Variants in CCDC148 observed in about 807,000 individuals in gnomAD.
The protein encoded by CCDC148 is coiled-coil domain-containing protein 148.
Under a neutral mutation model 85.7 loss-of-function variants are expected in CCDC148, and 89 were observed. The ratio of observed to expected loss-of-function variants is 1.04; its 90% CI spans 0.87 to 1.24. The LOEUF (loss-of-function observed/expected upper bound fraction) is 1.24. CCDC148 is among the 50% of genes most tolerant of loss of function. The pLI, the probability that CCDC148 is intolerant of heterozygous loss-of-function variation, is 0.00. For synonymous variants in CCDC148, 230 were observed against 213.9 expected (o/e 1.08, Z -0.66); for missense variants, 692 against 671.7 (o/e 1.03, Z -0.33).
At chr2:158,227,615 A>G (rs1388375963) in intron 10 of CCDC148, among the ~76,000 whole-genome samples, 1 of 152,212 alleles carries the variant, frequency 6.6e-6, no homozygotes, top group Non-Finnish European at 1.5e-5. Flanking sequence ...AGAGATATAG[A>G]TCAGTGGAAC....
intron 9 of CCDC148, among the ~76,000 whole-genome samples, chr2:158,279,842 A>G (rs1690175923): frequency 1.3e-5 from 2 of 151,742 alleles, no homozygotes; most frequent in Admixed American, 1.3e-4. Flanking sequence ...ACCAAAGTTG[A>G]AATGAAGGAA....
chr2:158,347,601 G>A (rs1051924321), intron 2 of CCDC148, among the ~76,000 whole-genome samples: 8 of 152,066 alleles, frequency 5.3e-5, no homozygotes, highest in African/African-American at 1.9e-4. Flanking sequence ...GAATGCTGAC[G>A]ATTCAAAAAT....
At chr2:158,334,614 A>G (rs1237507388) in intron 7 of CCDC148, among the ~76,000 whole-genome samples, 1 of 150,702 alleles carries the variant, frequency 6.6e-6, no homozygotes. Flanking sequence ...GAATGAAGAG[A>G]CCTAACCTTA....
At chr2:158,281,722 T>C (rs1204039840) in intron 9 of CCDC148, among the ~76,000 whole-genome samples, 38 of 152,288 alleles carry the variant, frequency 2.5e-4, no homozygotes, top group African/African-American at 8.4e-4. Context: ...GTACCATTCC[T>C]TCTGAAACAA....
Position 158,329,848 on chromosome 2 carries a change from C to T in CCDC148, c.764+8878G>A, listed in dbSNP as rs942761196. ...TGTATAAGAATGCTTGTGATTTTTG[C>T]ACATTGATTTTGTATCCTGAGACTT... On this transcript the variant is annotated intron_variant, in intron 7 of 13. Transcript: ENST00000283233. Among the ~76,000 whole-genome samples, 14 of 152,230 alleles carry T rather than the reference C, an allele frequency of 9.2e-5. No individual in the cohort carries two copies. The East Asian group carries it at 1.7e-3, about 19-fold the overall frequency.
At chr2:158,348,142 T>C (rs1559087717) in intron 2 of CCDC148, among the ~76,000 whole-genome samples, 1 of 152,086 alleles carries the variant, frequency 6.6e-6, no homozygotes, top group Non-Finnish European at 1.5e-5. Context: ...GAAAACTATA[T>C]TGGCAAAAGT....
At chr2:158,189,997 G>A (rs1685343767) in intron 11 of CCDC148, among the ~76,000 whole-genome samples, 1 of 151,992 alleles carries the variant, frequency 6.6e-6, no homozygotes, top group Admixed American at 6.6e-5. Flanking sequence ...ACAGGACACA[G>A]GAGTTGGCAA....
chr2:158,413,103 G>A (rs2094697583), intron 1 of CCDC148, among the ~76,000 whole-genome samples: 1 of 151,984 alleles, frequency 6.6e-6, no homozygotes, highest in Admixed American at 6.6e-5. Flanking sequence ...CTTACAGAAA[G>A]TATTTGTAGA....
At chr2:158,404,569 A>G (rs1238018318) in intron 1 of CCDC148, among the ~76,000 whole-genome samples, 1 of 152,198 alleles carries the variant, frequency 6.6e-6, no homozygotes, top group African/African-American at 2.4e-5. Context: ...AGACTTTAAA[A>G]TTACAAGTTT....
intron 1 of CCDC148, among the ~76,000 whole-genome samples, chr2:158,431,393 A>G (rs1687342237): frequency 6.6e-6 from 1 of 151,990 alleles, no homozygotes; most frequent in African/African-American, 2.4e-5. Context: ...AAGAATGATC[A>G]CAGACTTCAC....
chr2:158,331,015 C>G (rs1442180854), intron 7 of CCDC148, among the ~76,000 whole-genome samples: 1 of 152,070 alleles, frequency 6.6e-6, no homozygotes, highest in Non-Finnish European at 1.5e-5. Context: ...TCCTTCAGTT[C>G]TGCTCTGATT....
At chr2:158,277,673 T>C (rs1478888108) in intron 9 of CCDC148, among the ~76,000 whole-genome samples, 1 of 151,934 alleles carries the variant, frequency 6.6e-6, no homozygotes, top group Non-Finnish European at 1.5e-5. Context: ...CTCGCCTCAC[T>C]GTAAGCTCCA....
intron 9 of CCDC148, among the ~76,000 whole-genome samples, chr2:158,287,263 C>T (rs1472106475): frequency 6.6e-6 from 1 of 152,092 alleles, no homozygotes; most frequent in Non-Finnish European, 1.5e-5. Context: ...CCATATCATT[C>T]CACCCTGTCC....
chr2:158,201,632 G>A lies in CCDC148; in HGVS notation c.1370+18963C>T, dbSNP rs1484078982. 2.0e-5 allele frequency among the ~76,000 whole-genome samples: 3 copies of A among 151,994 alleles called. No individual in the cohort carries two copies. In the East Asian group the frequency reaches 5.8e-4, roughly 29 times the overall value. ...TCACCATGTTGCCCAGGCTGCTCTGGAACTCCAGAACATAAGCAATCCAGC... is the reference window on the plus strand; with the variant it reads ...TCACCATGTTGCCCAGGCTGCTCTGAAACTCCAGAACATAAGCAATCCAGC... On this transcript the variant is annotated intron_variant, in intron 11 of 13. Coordinates refer to ENST00000283233, the MANE Select transcript of CCDC148 (RefSeq NM_138803.4).
chr2:158,282,752 T>G (rs925669043), intron 9 of CCDC148, among the ~76,000 whole-genome samples: 7 of 152,174 alleles, frequency 4.6e-5, no homozygotes, highest in African/African-American at 1.4e-4. Context: ...TACCAATGAC[T>G]TTCTTCACAG....
At chr2:158,215,304 T>C (rs1307450845) in intron 11 of CCDC148, among the ~76,000 whole-genome samples, 1 of 152,156 alleles carries the variant, frequency 6.6e-6, no homozygotes, top group Non-Finnish European at 1.5e-5. Context: ...GAATAATATA[T>C]ACTATTTTAA....
At chr2:158,327,905 C>A (rs1395889462) in intron 7 of CCDC148, among the ~76,000 whole-genome samples, 1 of 152,050 alleles carries the variant, frequency 6.6e-6, no homozygotes, top group African/African-American at 2.4e-5. Context: ...ATTGCTATTG[C>A]AAACTCTGTT....
intron 9 of CCDC148, among the ~76,000 whole-genome samples, chr2:158,270,330 G>A (rs1443064093): frequency 6.6e-6 from 1 of 152,082 alleles, no homozygotes; most frequent in Non-Finnish European, 1.5e-5. Context: ...ATACAGAAGC[G>A]GGGTATTACT....
chr2:158,246,694 T>C (rs1234885030), intron 10 of CCDC148, among the ~76,000 whole-genome samples: 3 of 152,178 alleles, frequency 2.0e-5, no homozygotes, highest in East Asian at 1.9e-4. Flanking sequence ...CAAAGTCACA[T>C]AGGACTTGTC....
Sources: gnomAD v4.1 joint callset for allele counts (sites outside exome capture counted in the v4.1 genomes callset) on GRCh38, gnomAD v4.1.1 for gene constraint, MANE v1.5 for transcripts, NCBI Gene and HGNC (gene_info 2026-07-23, HGNC 2026-07-21) for gene names.